The following GPR137C variants were observed in gnomAD, a reference collection of about 807,000 sequenced individuals.
GPR137C encodes integral membrane protein GPR137C.
A neutral mutation model predicts 43.4 loss-of-function variants in GPR137C; 27 were observed. The observed-to-expected ratio is 0.62, with a 90% CI of 0.46 to 0.86. The LOEUF (loss-of-function observed/expected upper bound fraction) is 0.86. Among genes scored for constraint, GPR137C ranks in the 40% least tolerant of loss-of-function variants. The pLI is 0.00. For missense variants in GPR137C, 522 were observed against 534.6 expected (o/e 0.98, Z 0.23); for synonymous variants, 285 against 226.9 (o/e 1.26, Z -2.30).
chr14:52,598,964 G>A (rs1346687799), intron 2 of GPR137C, among the ~76,000 whole-genome samples: 1 of 152,140 alleles, frequency 6.6e-6, no homozygotes, highest in African/African-American at 2.4e-5. Context: ...TTGTTTGCTT[G>A]TTACAGATTG....
intron 3 of GPR137C, among the ~76,000 whole-genome samples, chr14:52,604,372 T>G (rs562159579): frequency 6.6e-6 from 1 of 152,252 alleles, no homozygotes; most frequent in East Asian, 1.9e-4. Context: ...AGTGTTTTCT[T>G]CTAGTACTTT....
chr14:52,632,273 TC>T lies in GPR137C; in HGVS notation c.833del (p.Pro278HisfsTer15). ...VTISQDTLESPFNYGWDNLSD... is the reference protein window; with the variant it reads ...VTISQDTLESXFNYGWDNLSD... ...CCATATCTCAGGATACATTAGAAAG[TC>T]CATTTAATTATGGCTGGGATAATCT... On this transcript the variant is annotated frameshift_variant, in exon 4 of 7. Coordinates refer to ENST00000321662, the MANE Select transcript of GPR137C (RefSeq NM_001099652.2). LOFTEE classifies it high-confidence loss of function. 1 of 1,611,038 alleles carries T rather than the reference TC, an allele frequency of 6.2e-7. No homozygotes were observed. The highest frequency in any genetic ancestry group is 8.5e-7 in the Non-Finnish European group (1 of 1,177,634).
rs764709686 is a variant in GPR137C at position 52,552,910 on chromosome 14, A to G, written c.-238A>G. Among the ~76,000 whole-genome samples, 2 of 150,998 alleles carry G rather than the reference A, an allele frequency of 1.3e-5. No individual in the cohort carries two copies. Among genetic ancestry groups the G allele is most frequent in the South Asian group, 2.1e-4 (1 of 4,726 alleles). ...CAGCCGAGAGTTGTTTTTTGCAGCT[A>G]CGGAGCCGAGCCGCAGCAGGAGGAG... On this transcript the variant is annotated 5_prime_UTR_variant, in exon 1 of 7. Transcript: ENST00000321662.
intron 1 of GPR137C, among the ~76,000 whole-genome samples, chr14:52,592,781 G>A (rs1435493477): frequency 6.6e-6 from 1 of 152,084 alleles, no homozygotes; most frequent in Non-Finnish European, 1.5e-5. Context: ...CTGCAAACAG[G>A]GACAATTTGA....
At position 52,553,483 on chromosome 14, in the gene GPR137C, G is replaced by T; in HGVS notation, c.336G>T (p.Leu112Phe). 6.2e-7 allele frequency: 1 copy of T among 1,608,722 alleles called. No homozygotes were observed. ...TCTCGCTCAGCGGCTCCCTGCCCTT[G>T]CTCCGGCCGCCCGCTCACCTGCACT... Reference protein sequence around the residue: ...AAFSLSGSLPLLRPPAHLHFF... With the variant: ...AAFSLSGSLPFLRPPAHLHFF... Residue 112 changes from leucine to phenylalanine, a missense_variant, in exon 1 of 7, where the codon TTG becomes TTT. Leu to Phe is a conservative substitution (Grantham distance 22, BLOSUM62 0). Around this residue, in one of 3 missense-constraint regions of GPR137C, gnomAD observed 437 missense variants for 425.7 expected, o/e 1.03. Transcript: ENST00000321662.
At chr14:52,555,334 A>G (rs2139425806) in intron 1 of GPR137C, among the ~76,000 whole-genome samples, 1 of 152,296 alleles carries the variant, frequency 6.6e-6, no homozygotes, top group South Asian at 2.1e-4. Flanking sequence ...TAAAGTCCAC[A>G]ATCTTAAATG....
Position 52,635,243 on chromosome 14 carries a change from T to C in GPR137C, c.*128T>C, listed in dbSNP as rs572435288. The C allele has an allele frequency of 3.8e-4, 270 of 706,666 alleles. No homozygotes were observed. The highest frequency in any genetic ancestry group is 5.3e-4 in the Admixed American group (14 of 26,610). The allele number at this position is 706,666 out of a possible 1,614,324, so 43.8% of individuals were successfully genotyped here. ...AAAACAAAATCTGGAAGTGTGGCTGTGTTTGGTAAATAACACAGCTATTAT... is the reference window on the plus strand; with the variant it reads ...AAAACAAAATCTGGAAGTGTGGCTGCGTTTGGTAAATAACACAGCTATTAT... On this transcript the variant is annotated 3_prime_UTR_variant, in exon 7 of 7. Coordinates refer to ENST00000321662, the MANE Select transcript of GPR137C (RefSeq NM_001099652.2).
At chr14:52,557,108 C>T (rs1457463000) in intron 1 of GPR137C, among the ~76,000 whole-genome samples, 2 of 152,034 alleles carry the variant, frequency 1.3e-5, no homozygotes, top group African/African-American at 2.4e-5. Context: ...TCTTTGATTT[C>T]CCACAAAAGT....
chr14:52,585,502 C>T (rs1192848159), intron 1 of GPR137C, among the ~76,000 whole-genome samples: 1 of 152,224 alleles, frequency 6.6e-6, no homozygotes, highest in Non-Finnish European at 1.5e-5. Flanking sequence ...TTTTACCCTA[C>T]TTTAAATTTA....
intron 1 of GPR137C, among the ~76,000 whole-genome samples, chr14:52,580,528 A>AT (rs767971822): frequency 9.3e-4 from 141 of 151,876 alleles, no homozygotes; most frequent in Non-Finnish European, 1.7e-3. Context: ...CACCCAGTTA[A>AT]TTTTTTTGTA....
chr14:52,631,305 C>T (rs536557971), intron 3 of GPR137C, among the ~76,000 whole-genome samples: 34 of 152,244 alleles, frequency 2.2e-4, no homozygotes, highest in African/African-American at 7.7e-4. Context: ...CATCCCTGGA[C>T]GTTGTGCACT....
chr14:52,563,962 T>C lies in GPR137C; in HGVS notation c.444+10371T>C, dbSNP rs79762924. On this transcript the variant is annotated intron_variant, in intron 1 of 6. Coordinates refer to ENST00000321662, the MANE Select transcript of GPR137C (RefSeq NM_001099652.2). ...TCTCCACAGTGTTGCCAGAGTTTTT[T>C]GGAACAAAAATCTATTATAAAAGCC... Among the ~76,000 whole-genome samples the C allele has an allele frequency of 4.8e-3, 726 of 152,132 alleles. 14 individuals carry two copies. Among genetic ancestry groups the C allele is most frequent in the Admixed American group, 0.039 (599 of 15,268 alleles).
At chr14:52,607,037 G>A (rs190060118) in intron 3 of GPR137C, among the ~76,000 whole-genome samples, 71 of 151,770 alleles carry the variant, frequency 4.7e-4, no homozygotes, top group Middle Eastern at 3.4e-3. Flanking sequence ...TAACTTATTC[G>A]TTGAGCCATT....
chr14:52,572,624 A>C (rs2038488943), intron 1 of GPR137C, among the ~76,000 whole-genome samples: 1 of 152,198 alleles, frequency 6.6e-6, no homozygotes, highest in African/African-American at 2.4e-5. Context: ...ATTTATGACA[A>C]ACCCACAGCC....
intron 3 of GPR137C, among the ~76,000 whole-genome samples, chr14:52,604,697 C>T (rs2038964621): frequency 6.6e-6 from 1 of 152,186 alleles, no homozygotes; most frequent in South Asian, 2.1e-4. Context: ...ATCCACCTGC[C>T]TTGGCCTCCC....
chr14:52,623,800 G>C (rs1035349256), intron 3 of GPR137C, among the ~76,000 whole-genome samples: 8 of 151,996 alleles, frequency 5.3e-5, no homozygotes, highest in African/African-American at 1.7e-4. Context: ...AGGTAAACAG[G>C]GACGTTGGAT....
intron 1 of GPR137C, among the ~76,000 whole-genome samples, chr14:52,558,103 C>CAA (rs11462333): frequency 0.01 from 1,267 of 121,848 alleles, 14 homozygotes; most frequent in African/African-American, 0.032. Flanking sequence ...CAGAAACTAC[C>CAA]AAAAAAAAAA....
At chr14:52,621,534 TATG>T (rs1336615854) in intron 3 of GPR137C, among the ~76,000 whole-genome samples, 2 of 151,820 alleles carry the variant, frequency 1.3e-5, no homozygotes, top group Non-Finnish European at 3.0e-5. Context: ...TTCTTTAAAA[TATG>T]ATTATGCAAA....
chr14:52,624,550 C>A (rs529331452), intron 3 of GPR137C, among the ~76,000 whole-genome samples: 3 of 146,980 alleles, frequency 2.0e-5, no homozygotes, highest in African/African-American at 7.4e-5. Flanking sequence ...ATGATGAAAC[C>A]TCATCTCTAC....
Sources: allele counts gnomAD v4.1 joint callset (sites outside exome capture counted in the v4.1 genomes callset), GRCh38; gene constraint gnomAD v4.1.1; regional missense constraint gnomAD v4.1.1; transcripts MANE v1.5; gene names NCBI Gene and HGNC (gene_info 2026-07-23, HGNC 2026-07-21).